PPP2R3A: variants seen among roughly 807,000 people sequenced by gnomAD.
PPP2R3A encodes the protein protein phosphatase 2 regulatory subunit B''alpha, also known as serine/threonine-protein phosphatase 2A regulatory subunit B'' subunit alpha.
Under a neutral mutation model 106.9 loss-of-function variants are expected in PPP2R3A, and 80 were observed. The observed-to-expected ratio is 0.75, with a 90% CI of 0.62 to 0.90. The LOEUF is 0.90. PPP2R3A is among the 40% of genes least tolerant of loss of function. The probability of loss-of-function intolerance (pLI) is 0.00; values close to 1 mark genes in which losing one functional copy is unlikely to be tolerated. For synonymous variants in PPP2R3A, 483 were observed against 468.3 expected (o/e 1.03, Z -0.41); for missense variants, 1,386 against 1,350.4 (o/e 1.03, Z -0.41).
chr3:135,984,319 C>T (rs1937577443), intron 1 of PPP2R3A, among the ~76,000 whole-genome samples: 1 of 152,204 alleles, frequency 6.6e-6, no homozygotes, highest in Admixed American at 6.5e-5. Flanking sequence ...GTTCTACTTT[C>T]TGAGTATGTA....
intron 8 of PPP2R3A, among the ~76,000 whole-genome samples, chr3:136,083,298 G>A (rs571389792): frequency 2.0e-5 from 3 of 152,186 alleles, no homozygotes; most frequent in African/African-American, 7.2e-5. Flanking sequence ...CTGGTGGCAG[G>A]TAATTGAATC....
intron 13 of PPP2R3A, among the ~76,000 whole-genome samples, chr3:136,137,901 A>C (rs770714503): frequency 6.6e-5 from 10 of 152,146 alleles, no homozygotes; most frequent in Non-Finnish European, 1.3e-4. Context: ...ATAGGTAAAG[A>C]AAGCCAGCCA....
At chr3:136,069,532 C>A (rs986124931) in intron 5 of PPP2R3A, among the ~76,000 whole-genome samples, 2 of 152,070 alleles carry the variant, frequency 1.3e-5, no homozygotes, top group Non-Finnish European at 2.9e-5. Context: ...AAGCTGAGAT[C>A]GTAGCACTGT....
At chr3:136,024,000 G>C (rs1934560824) in intron 2 of PPP2R3A, among the ~76,000 whole-genome samples, 1 of 151,950 alleles carries the variant, frequency 6.6e-6, no homozygotes, top group Non-Finnish European at 1.5e-5. Flanking sequence ...AAATTATTTG[G>C]GTAAATATGA....
chr3:135,996,984 C>A (rs141503248), intron 1 of PPP2R3A, among the ~76,000 whole-genome samples: 1 of 152,144 alleles, frequency 6.6e-6, no homozygotes, highest in Non-Finnish European at 1.5e-5. Flanking sequence ...GGAAAGGTAT[C>A]CACCTTCCTC....
intron 13 of PPP2R3A, among the ~76,000 whole-genome samples, chr3:136,142,585 C>G (rs575720498): frequency 2.0e-5 from 3 of 152,298 alleles, no homozygotes; most frequent in African/African-American, 7.2e-5. Context: ...CAGATTGGAA[C>G]CTGACTTTTA....
intron 13 of PPP2R3A, among the ~76,000 whole-genome samples, chr3:136,144,161 G>A (rs1450519179): frequency 6.6e-6 from 1 of 152,146 alleles, no homozygotes; most frequent in Admixed American, 6.5e-5. Context: ...AGAATTCAGG[G>A]GATACCAGCA....
chr3:136,105,289 C>T (rs1161155111), intron 12 of PPP2R3A, among the ~76,000 whole-genome samples: 2 of 152,134 alleles, frequency 1.3e-5, no homozygotes, highest in Non-Finnish European at 2.9e-5. Flanking sequence ...GTGCAAAGTG[C>T]CAGAGGAGAG....
At chr3:136,068,390 C>T (rs576014798) in intron 5 of PPP2R3A, among the ~76,000 whole-genome samples, 29 of 152,182 alleles carry the variant, frequency 1.9e-4, no homozygotes, top group African/African-American at 6.7e-4. Context: ...TGGTGGCACA[C>T]GCCTGTAATC....
intron 2 of PPP2R3A, among the ~76,000 whole-genome samples, chr3:136,019,261 A>T (rs1934380091): frequency 6.6e-6 from 1 of 152,238 alleles, no homozygotes; most frequent in South Asian, 2.1e-4. Context: ...TATTCCAGAA[A>T]GACATTTGGA....
At chr3:136,041,573 C>T (rs1935290109) in intron 4 of PPP2R3A, among the ~76,000 whole-genome samples, 1 of 152,112 alleles carries the variant, frequency 6.6e-6, no homozygotes, top group African/African-American at 2.4e-5. Context: ...ATTTGGGTCT[C>T]AGGATTTGAA....
At chr3:136,073,407 G>A (rs1253338423) in intron 6 of PPP2R3A, among the ~76,000 whole-genome samples, 2 of 152,186 alleles carry the variant, frequency 1.3e-5, no homozygotes, top group Non-Finnish European at 2.9e-5. Context: ...ATAGAGTACA[G>A]TTAATTATCT....
intron 1 of PPP2R3A, among the ~76,000 whole-genome samples, chr3:135,997,114 T>C (rs1247943564): frequency 6.6e-6 from 1 of 152,050 alleles, no homozygotes; most frequent in Non-Finnish European, 1.5e-5. Flanking sequence ...TAAGAAAAAA[T>C]TCATATCTCC....
In PPP2R3A at chr3:135,972,289, T is replaced by C. The variant is rs140216808; in HGVS notation, c.-441+6440T>C. ...ATGTATACGAGGTTCACTCAGGTTG[T>C]AGCATGTATCAGTACTTCATTCTTT... is the stretch of plus-strand genomic sequence containing the variant. On this transcript the variant is annotated intron_variant, in intron 1 of 13. Transcript: ENST00000264977. Among the ~76,000 whole-genome samples the C allele has an allele frequency of 1.1e-4, 16 of 152,364 alleles. No individual in the cohort carries two copies. The South Asian group carries it at 1.7e-3, about 16-fold the overall frequency.
Position 136,002,397 on chromosome 3 carries a change from G to C in PPP2R3A, c.899G>C (p.Gly300Ala), listed in dbSNP as rs1449371068. The C allele has an allele frequency of 6.2e-7, 1 of 1,613,764 alleles. No homozygotes were observed. Among genetic ancestry groups the C allele is most frequent in the East Asian group, 2.2e-5 (1 of 44,884 alleles). The change falls in exon 2 of 14, where the codon GGG (glycine) becomes GCG (alanine). Residue 300 changes from glycine (G) to alanine (A), a missense_variant. By Grantham distance (60) the Gly-to-Ala change is moderately conservative. Transcript: ENST00000264977. Reference sequence around the variant, plus strand: ...TTACCATTTGAATTCATGCAGTCTGGGAATAATGAGGCTCTAGATTTAACA... The same window carrying C: ...TTACCATTTGAATTCATGCAGTCTGCGAATAATGAGGCTCTAGATTTAACA... The part of the protein sequence containing the change: ...KKLPFEFMQS[G>A]NNEALDLTEL...
At chr3:135,977,624 T>G (rs896785423) in intron 1 of PPP2R3A, among the ~76,000 whole-genome samples, 1 of 151,982 alleles carries the variant, frequency 6.6e-6, no homozygotes, top group Non-Finnish European at 1.5e-5. Flanking sequence ...AAAATATAAT[T>G]GTGCTAAATT....
chr3:136,104,978 T>G (rs1937479374), intron 12 of PPP2R3A, among the ~76,000 whole-genome samples: 1 of 152,228 alleles, frequency 6.6e-6, no homozygotes, highest in African/African-American at 2.4e-5. Flanking sequence ...TTATTGATAT[T>G]TGTTCTGATC....
At chr3:136,023,078 C>T (rs1169460133) in intron 2 of PPP2R3A, 1 of 1,613,070 alleles carries the variant, frequency 6.2e-7, no homozygotes, top group Admixed American at 1.7e-5. Context: ...AGATGATGAT[C>T]AAGGAAACAT....
chr3:135,993,679 A>G lies in PPP2R3A; in HGVS notation c.-440-7380A>G, dbSNP rs182205506. Among the ~76,000 whole-genome samples the G allele has an allele frequency of 3.2e-3, 487 of 152,346 alleles. 1 individual carries two copies. The highest frequency in any genetic ancestry group is 0.011 in the African/African-American group (446 of 41,582). ...GAATATACCAGAATTTGTTTTATCT[A>G]TTTGTTGAATAGCATCAGAACATTT... On this transcript the variant is annotated intron_variant, in intron 1 of 13. Transcript: ENST00000264977.
Sources: gnomAD v4.1 joint callset for allele counts (sites outside exome capture counted in the v4.1 genomes callset) on GRCh38, gnomAD v4.1.1 for gene constraint, MANE v1.5 for transcripts, NCBI Gene and HGNC (gene_info 2026-07-23, HGNC 2026-07-21) for gene names.